Variants in ATP2B2 observed in about 807,000 individuals in gnomAD.
ATP2B2 encodes plasma membrane calcium-transporting ATPase 2.
Under a neutral mutation model 120.0 loss-of-function variants are expected in ATP2B2, and 15 were observed. That is an observed-to-expected ratio of 0.12 (90% CI 0.08 to 0.19). The LOEUF (loss-of-function observed/expected upper bound fraction) is 0.19. ATP2B2 is among the 10% of genes least tolerant of loss of function. The pLI, the probability that ATP2B2 is intolerant of heterozygous loss-of-function variation, is 1.00. For synonymous variants in ATP2B2, 694 were observed against 700.3 expected (o/e 0.99, Z 0.14); for missense variants, 1,045 against 1,719.8 (o/e 0.61, Z 6.94).
At chr3:10,512,455 A>AGT (rs1354062474) in intron 3 of ATP2B2, among the ~76,000 whole-genome samples, 70 of 123,876 alleles carry the variant, frequency 5.7e-4, no homozygotes, top group East Asian at 3.6e-3. Flanking sequence ...TGGGTGCTAA[A>AGT]GTGTGTGCGC....
intron 2 of ATP2B2, among the ~76,000 whole-genome samples, chr3:10,423,384 T>C (rs527650285): frequency 6.6e-6 from 1 of 152,270 alleles, no homozygotes; most frequent in South Asian, 2.1e-4. Flanking sequence ...TTCAGCTCCC[T>C]GGGGCTGGAC....
intron 2 of ATP2B2, among the ~76,000 whole-genome samples, chr3:10,554,035 A>C (rs936886357): frequency 5.3e-5 from 8 of 151,786 alleles, no homozygotes; most frequent in Non-Finnish European, 1.2e-4. Flanking sequence ...TGGGGGCTGC[A>C]GCTTTTCAGA....
chr3:10,475,083 G>T (rs562126344), intron 1 of ATP2B2, among the ~76,000 whole-genome samples: 1 of 152,374 alleles, frequency 6.6e-6, no homozygotes, highest in Admixed American at 6.5e-5. Flanking sequence ...GAGGAAGGAC[G>T]GTTAAGAGAG....
chr3:10,385,155 C>A (rs894832686), intron 8 of ATP2B2, 113 bp downstream of exon 8: 4 of 1,068,212 alleles, frequency 3.7e-6, no homozygotes, highest in Non-Finnish European at 5.7e-6. Flanking sequence ...CCCAGCGGCC[C>A]ATGCACATCC....
chr3:10,348,709 G>A (rs1379838105), intron 16 of ATP2B2, among the ~76,000 whole-genome samples: 1 of 152,234 alleles, frequency 6.6e-6, no homozygotes, highest in Admixed American at 6.5e-5. Flanking sequence ...CCAAGTTAGA[G>A]GCAGTGTTGG....
At chr3:10,394,485 T>TA (rs1292164511) in intron 5 of ATP2B2, 1 of 471,252 alleles carries the variant, frequency 2.1e-6, no homozygotes. Context: ...GAGCCGGGAC[T>TA]TGAACCCGTG....
chr3:10,365,744 G>A (rs549493984), intron 12 of ATP2B2, among the ~76,000 whole-genome samples: 9 of 4,128 alleles, frequency 2.2e-3, no homozygotes, highest in East Asian at 0.019. Flanking sequence ...CATGGTGTGC[G>A]TTTGTGTGGC....
At chr3:10,629,922 T>A (rs1029115798) in intron 1 of ATP2B2, among the ~76,000 whole-genome samples, 2 of 152,208 alleles carry the variant, frequency 1.3e-5, no homozygotes, top group African/African-American at 2.4e-5. Context: ...CCTCTTAGTG[T>A]CTGATTGTAA....
intron 2 of ATP2B2, among the ~76,000 whole-genome samples, chr3:10,422,329 C>T (rs144150252): frequency 5.9e-5 from 9 of 152,308 alleles, no homozygotes; most frequent in Non-Finnish European, 1.0e-4. Context: ...GCTGTGATAT[C>T]GGTCTGTATG....
intron 1 of ATP2B2, among the ~76,000 whole-genome samples, chr3:10,501,642 G>A (rs2066398726): frequency 6.6e-6 from 1 of 152,142 alleles, no homozygotes; most frequent in Admixed American, 6.5e-5. Context: ...AGGGTTCATC[G>A]GTCCTCAGGA....
At chr3:10,454,379 C>A (rs1266108464) in intron 1 of ATP2B2, among the ~76,000 whole-genome samples, 1 of 152,148 alleles carries the variant, frequency 6.6e-6, no homozygotes, top group Non-Finnish European at 1.5e-5. Context: ...CTGAAATACA[C>A]AACTGTCTGC....
intron 1 of ATP2B2, among the ~76,000 whole-genome samples, chr3:10,461,692 C>T (rs186567224): frequency 2.3e-4 from 35 of 152,264 alleles, no homozygotes; most frequent in African/African-American, 4.1e-4. Context: ...CTCCTGTCCT[C>T]GTGCTTTGGG....
At chr3:10,396,459 C>T (rs1401662282) in intron 5 of ATP2B2, among the ~76,000 whole-genome samples, 1 of 152,246 alleles carries the variant, frequency 6.6e-6, no homozygotes, top group Non-Finnish European at 1.5e-5. Flanking sequence ...GACACTAGGG[C>T]TTTCTCAACC....
chr3:10,364,714 G>GAA (rs895709086), intron 12 of ATP2B2, among the ~76,000 whole-genome samples: 1 of 150,992 alleles, frequency 6.6e-6, no homozygotes, highest in East Asian at 1.9e-4. Flanking sequence ...CCATCTTGGG[G>GAA]AAAAAAAATA....
intron 1 of ATP2B2, among the ~76,000 whole-genome samples, chr3:10,649,343 A>T (rs1478943813): frequency 6.6e-6 from 1 of 152,176 alleles, no homozygotes; most frequent in Non-Finnish European, 1.5e-5. Context: ...CATCACAGAA[A>T]ATTATATTGG....
At chr3:10,514,818 T>C (rs998232487) in intron 3 of ATP2B2, among the ~76,000 whole-genome samples, 3 of 152,196 alleles carry the variant, frequency 2.0e-5, no homozygotes, top group African/African-American at 7.2e-5. Context: ...AGGCCCTCTA[T>C]GGATGAGACT....
At chr3:10,609,484 A>G (rs2069172811) in intron 2 of ATP2B2, among the ~76,000 whole-genome samples, 1 of 152,200 alleles carries the variant, frequency 6.6e-6, no homozygotes, top group South Asian at 2.1e-4. Flanking sequence ...GTGTAAAAAG[A>G]AAGAAAATGA....
intron 1 of ATP2B2, among the ~76,000 whole-genome samples, chr3:10,450,512 G>A (rs1225741730): frequency 2.6e-5 from 4 of 152,094 alleles, no homozygotes; most frequent in Admixed American, 1.3e-4. Context: ...ATAGGCATGG[G>A]GATGGGAGAA....
intron 2 of ATP2B2, among the ~76,000 whole-genome samples, chr3:10,611,497 T>C (rs531140501): frequency 6.6e-6 from 1 of 152,276 alleles, no homozygotes; most frequent in Admixed American, 6.5e-5. Flanking sequence ...CACTCTCCCC[T>C]GGCCAGAGGA....
Sources: allele counts gnomAD v4.1 joint callset (sites outside exome capture counted in the v4.1 genomes callset), GRCh38; gene constraint gnomAD v4.1.1; transcripts MANE v1.5; gene names NCBI Gene and HGNC (gene_info 2026-07-23, HGNC 2026-07-21).